Variants in CPNE8 observed in about 807,000 individuals in gnomAD.
CPNE8 encodes copine 8.
In CPNE8, 45 loss-of-function variants were observed where a neutral mutation model predicts 81.5. The ratio of observed to expected loss-of-function variants is 0.55; its 90% CI spans 0.44 to 0.71. The LOEUF (loss-of-function observed/expected upper bound fraction) is 0.71. Ranked by LOEUF, CPNE8 falls within the 30% of genes least tolerant of loss-of-function variation. The pLI, the probability that CPNE8 is intolerant of heterozygous loss-of-function variation, is 0.00. For missense variants in CPNE8, 594 were observed against 672.1 expected (o/e 0.88, Z 1.28); for synonymous variants, 252 against 226.3 (o/e 1.11, Z -1.02).
rs541542637 is a variant in CPNE8, at chr12:38,797,371, C to T, written c.408-21070G>A. On this transcript the variant is annotated intron_variant, in intron 6 of 19. Coordinates refer to ENST00000331366, the MANE Select transcript of CPNE8 (RefSeq NM_153634.3). ...CAAAACTTCCAGAGGAACTAGCAGA[C>T]GGCAGCATTCGTGTTTCACGAAAAT... Among the ~76,000 whole-genome samples, 253 of 152,242 alleles carry T rather than the reference C, an allele frequency of 1.7e-3. 2 individuals carry two copies. The highest frequency in any genetic ancestry group is 5.3e-3 in the African/African-American group (222 of 41,532).
intron 19 of CPNE8, among the ~76,000 whole-genome samples, chr12:38,663,850 G>T (rs1168122234): frequency 6.6e-6 from 1 of 152,086 alleles, no homozygotes; most frequent in Non-Finnish European, 1.5e-5. Context: ...AGGACACTAT[G>T]TTAACTGAAA....
intron 13 of CPNE8, among the ~76,000 whole-genome samples, chr12:38,703,413 C>A (rs537090502): frequency 9.4e-4 from 143 of 152,252 alleles, no homozygotes; most frequent in African/African-American, 3.4e-3. Context: ...AGCATCCCTT[C>A]CTGATAAAAC....
chr12:38,813,979 T>C (rs922501561), intron 6 of CPNE8, among the ~76,000 whole-genome samples: 6 of 152,052 alleles, frequency 3.9e-5, no homozygotes, highest in African/African-American at 7.2e-5. Flanking sequence ...ACTCCAGGTA[T>C]GCCACTGGAG....
intron 16 of CPNE8, among the ~76,000 whole-genome samples, chr12:38,684,410 C>A (rs1939485384): frequency 6.6e-6 from 1 of 151,918 alleles, no homozygotes; most frequent in East Asian, 1.9e-4. Context: ...TGTGTATGTA[C>A]AGGGTTAATA....
intron 10 of CPNE8, among the ~76,000 whole-genome samples, chr12:38,746,092 T>A (rs1941222160): frequency 2.0e-5 from 3 of 152,202 alleles, no homozygotes; most frequent in Admixed American, 6.5e-5. Flanking sequence ...ACAATTTCAA[T>A]ATATTTTCTC....
intron 13 of CPNE8, among the ~76,000 whole-genome samples, chr12:38,721,888 G>T (rs965432546): frequency 2.6e-5 from 4 of 152,198 alleles, no homozygotes; most frequent in African/African-American, 9.6e-5. Context: ...CCAGCACCCT[G>T]AGCTGCCCAC....
intron 16 of CPNE8, 132 bp from the exon 17 acceptor site, chr12:38,677,686 T>C (rs1000236926): frequency 6.5e-6 from 4 of 617,196 alleles, no homozygotes; most frequent in African/African-American, 3.7e-5. Flanking sequence ...GTATATCTTA[T>C]GCAAACTTTC....
chr12:38,766,005 C>A (rs976731157), intron 8 of CPNE8, among the ~76,000 whole-genome samples: 1 of 152,040 alleles, frequency 6.6e-6, no homozygotes, highest in East Asian at 1.9e-4. Context: ...ATTACTGGCA[C>A]CTGCCACCAC....
At position 38,902,417 on chromosome 12, in the gene CPNE8, A is replaced by AAGAAAGAG. The variant is rs1166996215; in HGVS notation, c.98+3019_98+3020insCTCTTTCT. 1.3e-3 allele frequency among the ~76,000 whole-genome samples: 92 copies of AAGAAAGAG among 72,738 alleles called. 8 individuals carry two copies. The highest frequency in any genetic ancestry group is 2.2e-3 in the Admixed American group (16 of 7,140). 47.7% of individuals were successfully genotyped at this position (72,738 alleles called of 152,430 possible). On this transcript the variant is annotated intron_variant, in intron 1 of 19. Coordinates refer to ENST00000331366, the MANE Select transcript of CPNE8 (RefSeq NM_153634.3). ...AGAGAAAGAAAGAAAGAAAGAAAGA[A>AAGAAAGAG]AAAGAAAGAAAGAAAGAAAGGAGAG...
intron 11 of CPNE8, among the ~76,000 whole-genome samples, chr12:38,727,674 G>A (rs768736956): frequency 4.6e-5 from 7 of 152,136 alleles, no homozygotes; most frequent in African/African-American, 7.2e-5. Flanking sequence ...GTTTAACAGC[G>A]TATCTGCTGG....
intron 19 of CPNE8, among the ~76,000 whole-genome samples, chr12:38,660,844 G>T (rs1351261544): frequency 1.3e-5 from 2 of 152,160 alleles, no homozygotes; most frequent in Non-Finnish European, 2.9e-5. Flanking sequence ...GCAGCCAACA[G>T]ACATATGAAA....
At chr12:38,696,385 A>C (rs902375783) in intron 14 of CPNE8, among the ~76,000 whole-genome samples, 2 of 152,178 alleles carry the variant, frequency 1.3e-5, no homozygotes, top group African/African-American at 4.8e-5. Flanking sequence ...AAAAAAAAAA[A>C]AAATGGCAAT....
intron 15 of CPNE8, among the ~76,000 whole-genome samples, chr12:38,686,446 T>G (rs1939536410): frequency 6.6e-6 from 1 of 152,178 alleles, no homozygotes; most frequent in African/African-American, 2.4e-5. Context: ...TTAAATGCCC[T>G]GTCATTATTA....
At chr12:38,737,313 C>A (rs1362036512) in intron 10 of CPNE8, among the ~76,000 whole-genome samples, 1 of 151,914 alleles carries the variant, frequency 6.6e-6, no homozygotes, top group Admixed American at 6.6e-5. Context: ...ATGCCATCAC[C>A]TACTTTCCCA....
At chr12:38,768,142 A>G (rs1276048712) in intron 7 of CPNE8, among the ~76,000 whole-genome samples, 1 of 151,526 alleles carries the variant, frequency 6.6e-6, no homozygotes, top group Non-Finnish European at 1.5e-5. Context: ...CATATCTAGT[A>G]TGTATAAAAT....
chr12:38,865,026 C>T (rs1011531601), intron 3 of CPNE8, among the ~76,000 whole-genome samples: 1 of 152,126 alleles, frequency 6.6e-6, no homozygotes, highest in Non-Finnish European at 1.5e-5. Context: ...ATAGACAACA[C>T]TTCTTAAAAG....
chr12:38,723,979 G>T (rs1028158327), intron 12 of CPNE8, 146 bp from the exon 13 acceptor site: 1 of 524,386 alleles, frequency 1.9e-6, no homozygotes, highest in Non-Finnish European at 3.4e-6. Context: ...AGGACTGATT[G>T]TTCTTACATT....
intron 1 of CPNE8, among the ~76,000 whole-genome samples, chr12:38,902,393 G>GAAAGAAAGAAAGAAAGAA (rs1555172180): frequency 3.1e-4 from 17 of 54,622 alleles, no homozygotes; most frequent in African/African-American, 1.2e-3. Flanking sequence ...AAGAAAGAAA[G>GAAAGAAAGAAAGAAAGAA]AGAAAGAAAG....
chr12:38,696,234 T>A (rs1939793722), intron 14 of CPNE8, among the ~76,000 whole-genome samples: 1 of 152,020 alleles, frequency 6.6e-6, no homozygotes, highest in Non-Finnish European at 1.5e-5. Flanking sequence ...CACCTCTACC[T>A]CTCAAGTTGC....
Sources: allele counts gnomAD v4.1 joint callset (sites outside exome capture counted in the v4.1 genomes callset), GRCh38; gene constraint gnomAD v4.1.1; transcripts MANE v1.5; gene names NCBI Gene and HGNC (gene_info 2026-07-23, HGNC 2026-07-21).